The following DDHD1 variants were observed in gnomAD, a reference collection of about 807,000 sequenced individuals.
DDHD1 encodes phospholipase DDHD1.
DDHD1 carries 49 observed loss-of-function variants against 96.4 expected under a neutral mutation model. The observed-to-expected ratio is 0.51, with a 90% CI of 0.40 to 0.64. The LOEUF is 0.64. DDHD1 is among the 30% of genes least tolerant of loss of function. The probability of loss-of-function intolerance (pLI) is 0.00; values close to 1 mark genes in which losing one functional copy is unlikely to be tolerated. For missense variants in DDHD1, 1,106 were observed against 1,161.2 expected, an observed-to-expected ratio of 0.95 and a Z score of 0.69; for synonymous variants, 442 against 446.5, an observed-to-expected ratio of 0.99 and a Z score of 0.13.
intron 6 of DDHD1, among the ~76,000 whole-genome samples, chr14:53,070,924 C>T (rs1042820466): frequency 1.3e-5 from 2 of 152,184 alleles, no homozygotes; most frequent in South Asian, 2.1e-4. Flanking sequence ...GAGAAAACAT[C>T]GAACCCTTCT....
At chr14:53,051,784 A>G in intron 12 of DDHD1, 60 bp downstream of exon 12, 1 of 1,371,412 alleles carries the variant, frequency 7.3e-7, no homozygotes, top group Non-Finnish European at 1.0e-6. Context: ...AATAAGCAGA[A>G]GAACTCTAAG....
At chr14:53,127,012 A>C (rs1488046435) in intron 1 of DDHD1, among the ~76,000 whole-genome samples, 1 of 152,202 alleles carries the variant, frequency 6.6e-6, no homozygotes, top group African/African-American at 2.4e-5. Flanking sequence ...GAACAGAGAA[A>C]AAGGAGAAAA....
rs1371780284 is a variant in DDHD1, at chr14:53,039,104, A to C, written c.*7664T>G. 1 of 152,218 alleles carries C rather than the reference A, an allele frequency of 6.6e-6. No homozygotes were observed. The allele number at this position is 152,218 out of a possible 1,614,324, so 9.4% of individuals were successfully genotyped here. A position where few individuals can be genotyped will look rare whatever the true frequency, so the allele number is the denominator to read the frequency against. ...TCCAAGAGACAGAGACCCACCTCAG[A>C]ATAGTGTAAGCAAATAAAAGTACAA... is the stretch of plus-strand genomic sequence containing the variant. On this transcript the variant is annotated 3_prime_UTR_variant, in exon 13 of 13. Coordinates refer to ENST00000673822, the MANE Select transcript of DDHD1 (RefSeq NM_001160148.2).
Position 53,153,266 on chromosome 14 carries a change from G to A in DDHD1, c.-168C>T. ...CCGCTCCGCCCCCACGAGACCCGCAGCCGCCGCAGCTGCGTTCTGCCGCCG... is the reference window on the plus strand; with the variant it reads ...CCGCTCCGCCCCCACGAGACCCGCAACCGCCGCAGCTGCGTTCTGCCGCCG... On this transcript the variant is annotated 5_prime_UTR_variant, in exon 1 of 13. Transcript: ENST00000673822. The A allele has an allele frequency of 1.9e-6, 1 of 522,278 alleles. No homozygotes were observed. 32.4% of individuals were successfully genotyped at this position (522,278 alleles called of 1,614,324 possible).
intron 2 of DDHD1, among the ~76,000 whole-genome samples, chr14:53,101,663 C>G (rs1197993337): frequency 1.3e-5 from 2 of 152,016 alleles, no homozygotes; most frequent in East Asian, 3.8e-4. Flanking sequence ...CTCACACATA[C>G]ACATACGCAA....
chr14:53,078,817 AAAG>A (rs1885188080), intron 4 of DDHD1, among the ~76,000 whole-genome samples: 1 of 152,160 alleles, frequency 6.6e-6, no homozygotes, highest in Non-Finnish European at 1.5e-5. Context: ...TTTCACTATT[AAAG>A]AATAAGTTTA....
At position 53,038,250 on chromosome 14, in the gene DDHD1, T is replaced by A. The variant is rs1209668453; in HGVS notation, c.*8518A>T. ...ATCAAACTAGCTCTCTTCGCTGATA[T>A]GATTTTATACCTAGAAAACCCCGAA... On this transcript the variant is annotated 3_prime_UTR_variant, in exon 13 of 13. Coordinates refer to ENST00000673822, the MANE Select transcript of DDHD1 (RefSeq NM_001160148.2). 6.6e-6 allele frequency: 1 copy of A among 152,198 alleles called. No individual in the cohort carries two copies. Among genetic ancestry groups the A allele is most frequent in the African/African-American group, 2.4e-5 (1 of 41,464 alleles). The allele number at this position is 152,198 out of a possible 1,614,324, so 9.4% of individuals were successfully genotyped here. A position where few individuals can be genotyped will look rare whatever the true frequency, so the allele number is the denominator to read the frequency against.
At chr14:53,051,094 G>A (rs1456718551) in intron 12 of DDHD1, among the ~76,000 whole-genome samples, 2 of 149,228 alleles carry the variant, frequency 1.3e-5, no homozygotes, top group Admixed American at 6.7e-5. Flanking sequence ...ATGAAAATTG[G>A]TGATCAAATA....
intron 4 of DDHD1, among the ~76,000 whole-genome samples, chr14:53,087,185 G>C (rs1886051683): frequency 6.6e-6 from 1 of 151,906 alleles, no homozygotes; most frequent in Non-Finnish European, 1.5e-5. Context: ...CCTACAAAGA[G>C]ACTTAGACTC....
intron 1 of DDHD1, among the ~76,000 whole-genome samples, chr14:53,150,950 G>A (rs1027644552): frequency 2.0e-4 from 30 of 152,116 alleles, no homozygotes; most frequent in African/African-American, 7.0e-4. Flanking sequence ...GGTAATGAAT[G>A]CCTTTAGTAT....
intron 2 of DDHD1, chr14:53,096,262 A>C (rs1351308062): frequency 1.1e-6 from 1 of 901,600 alleles, no homozygotes; most frequent in Non-Finnish European, 1.3e-6. Context: ...ATTTTAAATG[A>C]GATTTGCCAT....
chr14:53,070,710 A>G (rs1415660309), intron 6 of DDHD1, among the ~76,000 whole-genome samples: 2 of 152,340 alleles, frequency 1.3e-5, no homozygotes, highest in Non-Finnish European at 2.9e-5. Context: ...AATTAAATTT[A>G]TAAGTTAATA....
intron 1 of DDHD1, among the ~76,000 whole-genome samples, chr14:53,129,264 C>T (rs1889687059): frequency 1.3e-5 from 2 of 152,338 alleles, no homozygotes; most frequent in Middle Eastern, 3.4e-3. Context: ...CCACCTATGA[C>T]CTCAGGTCCT....
At chr14:53,060,980 G>T in intron 8 of DDHD1, 146 bp downstream of exon 8, 1 of 712,734 alleles carries the variant, frequency 1.4e-6, no homozygotes, top group Non-Finnish European at 2.2e-6. Flanking sequence ...AACCAGAAAT[G>T]GCAGTGTCCA....
At chr14:53,136,428 G>A (rs1890248754) in intron 1 of DDHD1, among the ~76,000 whole-genome samples, 1 of 152,180 alleles carries the variant, frequency 6.6e-6, no homozygotes, top group African/African-American at 2.4e-5. Context: ...AAGAGTTCAG[G>A]AACGCCAAGA....
chr14:53,061,515 C>T (rs907416509), intron 7 of DDHD1, among the ~76,000 whole-genome samples: 1 of 152,130 alleles, frequency 6.6e-6, no homozygotes, highest in East Asian at 1.9e-4. Flanking sequence ...ACCATATATA[C>T]TGTTCTCTCT....
intron 1 of DDHD1, among the ~76,000 whole-genome samples, chr14:53,113,155 C>T (rs1888240254): frequency 1.3e-5 from 2 of 150,710 alleles, no homozygotes; most frequent in South Asian, 2.1e-4. Context: ...TTAGTAGTTT[C>T]AGGGTTTCGC....
Position 53,038,635 on chromosome 14 carries a change from C to A in DDHD1, c.*8133G>T, listed in dbSNP as rs1202799804. The stretch of plus-strand genomic sequence containing the variant: ...AATCAATGCTGTCCTATCAAACTAC[C>A]AACCTCATTTTTCACAGAGGTTGGA... On this transcript the variant is annotated 3_prime_UTR_variant, in exon 13 of 13. Transcript: ENST00000673822. The A allele has an allele frequency of 6.6e-6, 1 of 152,154 alleles. No individual in the cohort carries two copies. Among genetic ancestry groups the A allele is most frequent in the Non-Finnish European group, 1.5e-5 (1 of 68,020 alleles). The allele number at this position is 152,154 out of a possible 1,614,324, so 9.4% of individuals were successfully genotyped here. A position where few individuals can be genotyped will look rare whatever the true frequency, so the allele number is the denominator to read the frequency against.
At chr14:53,099,982 A>G (rs1381803458) in intron 2 of DDHD1, among the ~76,000 whole-genome samples, 1 of 152,184 alleles carries the variant, frequency 6.6e-6, no homozygotes, top group Non-Finnish European at 1.5e-5. Flanking sequence ...AGGAAAGTTA[A>G]TAAGGAGGAA....
Sources: allele counts gnomAD v4.1 joint callset (sites outside exome capture counted in the v4.1 genomes callset), GRCh38; gene constraint gnomAD v4.1.1; transcripts MANE v1.5; gene names NCBI Gene and HGNC (gene_info 2026-07-23, HGNC 2026-07-21).